Variants in DPP10 observed in about 807,000 individuals in gnomAD.
The protein encoded by DPP10 is dipeptidyl peptidase like 10, also known as inactive dipeptidyl peptidase 10.
DPP10 carries 33 observed loss-of-function variants against 120.9 expected under a neutral mutation model. That is an observed-to-expected ratio of 0.27 (90% CI 0.21 to 0.37). The LOEUF (loss-of-function observed/expected upper bound fraction) is 0.37. DPP10 is among the 10% of genes least tolerant of loss of function. The probability of loss-of-function intolerance (pLI) is 1.00; values close to 1 mark genes in which losing one functional copy is unlikely to be tolerated. For synonymous variants in DPP10, 337 were observed against 326.1 expected, an observed-to-expected ratio of 1.03 and a Z score of -0.36; for missense variants, 816 against 942.8, an observed-to-expected ratio of 0.87 and a Z score of 1.76.
intron 1 of DPP10, among the ~76,000 whole-genome samples, chr2:114,827,215 G>A (rs76394310): frequency 6.6e-6 from 1 of 152,134 alleles, no homozygotes; most frequent in Admixed American, 6.5e-5. Flanking sequence ...CAAATCAAAA[G>A]TAATCCGTAT....
At position 114,670,070 on chromosome 2, in the gene DPP10, T is replaced by C. The variant is rs550257066; in HGVS notation, c.60+227232T>C. Among the ~76,000 whole-genome samples, 14 of 152,266 alleles carry C rather than the reference T, an allele frequency of 9.2e-5. No homozygotes were observed. In the South Asian group the frequency reaches 2.9e-3, roughly 32 times the overall value. Reference sequence around the variant, plus strand: ...AATAGGAACACTTTTACACTGTTGGTGGGACTGTAAACTAGTTCAACCATT... The same window carrying C: ...AATAGGAACACTTTTACACTGTTGGCGGGACTGTAAACTAGTTCAACCATT... On this transcript the variant is annotated intron_variant, in intron 1 of 25. Coordinates refer to ENST00000410059, the MANE Select transcript of DPP10 (RefSeq NM_020868.6).
At chr2:114,604,443 G>A (rs1290295194) in intron 1 of DPP10, among the ~76,000 whole-genome samples, 1 of 152,066 alleles carries the variant, frequency 6.6e-6, no homozygotes, top group African/African-American at 2.4e-5. Flanking sequence ...GCATAGCAGA[G>A]CAGGAAACAG....
At chr2:114,483,453 C>CT (rs1009910340) in intron 1 of DPP10, among the ~76,000 whole-genome samples, 163 of 147,860 alleles carry the variant, frequency 1.1e-3, no homozygotes, top group African/African-American at 2.2e-3. Context: ...TAATCGTATT[C>CT]TTTTTTTTTT....
chr2:115,130,226 A>C (rs1295552539), intron 1 of DPP10, among the ~76,000 whole-genome samples: 1 of 152,126 alleles, frequency 6.6e-6, no homozygotes, highest in African/African-American at 2.4e-5. Context: ...TTTTTGTTCC[A>C]TCATTTTCCT....
chr2:115,112,329 C>G (rs200232698), intron 1 of DPP10, among the ~76,000 whole-genome samples: 3 of 151,854 alleles, frequency 2.0e-5, no homozygotes, highest in Non-Finnish European at 4.4e-5. Context: ...ATTCATTTTC[C>G]TTTCCGTTCT....
intron 3 of DPP10, among the ~76,000 whole-genome samples, chr2:115,356,875 A>G (rs569521021): frequency 3.1e-4 from 47 of 152,272 alleles, no homozygotes; most frequent in African/African-American, 9.9e-4. Context: ...TCCTTTGGGT[A>G]TATACCAAGT....
chr2:115,624,570 C>G (rs1179875042), intron 5 of DPP10, among the ~76,000 whole-genome samples: 1 of 152,186 alleles, frequency 6.6e-6, no homozygotes, highest in Non-Finnish European at 1.5e-5. Context: ...CTTTGCTATT[C>G]AGTTCCTGCA....
chr2:114,934,490 G>T (rs1036896151), intron 1 of DPP10, among the ~76,000 whole-genome samples: 2 of 152,134 alleles, frequency 1.3e-5, no homozygotes, highest in Non-Finnish European at 2.9e-5. Flanking sequence ...TCATCTTCAT[G>T]TTGAGTGGGC....
At chr2:115,672,822 C>G (rs938157050) in intron 5 of DPP10, among the ~76,000 whole-genome samples, 1 of 151,760 alleles carries the variant, frequency 6.6e-6, no homozygotes, top group Non-Finnish European at 1.5e-5. Flanking sequence ...TCTTGGTTCA[C>G]TGCAACCTCC....
At chr2:115,600,275 T>G (rs2149211249) in intron 5 of DPP10, among the ~76,000 whole-genome samples, 1 of 152,266 alleles carries the variant, frequency 6.6e-6, no homozygotes, top group African/African-American at 2.4e-5. Context: ...TAGTTATTTG[T>G]GTAAGGATTG....
chr2:115,703,994 C>T (rs960904767), intron 7 of DPP10, among the ~76,000 whole-genome samples: 14 of 151,962 alleles, frequency 9.2e-5, no homozygotes, highest in South Asian at 4.1e-4. Context: ...AGCCACCATC[C>T]GCAGAAATAT....
At chr2:115,706,860 A>G (rs539895923) in intron 7 of DPP10, among the ~76,000 whole-genome samples, 1 of 152,126 alleles carries the variant, frequency 6.6e-6, no homozygotes, top group East Asian at 1.9e-4. Context: ...CCCAAAGGGA[A>G]CTGTGGTCTG....
At chr2:115,453,725 A>C (rs2073305852) in intron 3 of DPP10, among the ~76,000 whole-genome samples, 1 of 151,592 alleles carries the variant, frequency 6.6e-6, no homozygotes, top group Non-Finnish European at 1.5e-5. Flanking sequence ...TAATCTTAAG[A>C]AACTTAACAA....
intron 1 of DPP10, among the ~76,000 whole-genome samples, chr2:114,767,234 T>A (rs1680809650): frequency 2.9e-5 from 4 of 136,482 alleles, no homozygotes; most frequent in Admixed American, 7.3e-5. Context: ...AAAAAAAGTT[T>A]TAAACTGAAA....
intron 5 of DPP10, among the ~76,000 whole-genome samples, chr2:115,627,432 T>TG (rs2085455190): frequency 6.6e-6 from 1 of 152,202 alleles, no homozygotes; most frequent in African/African-American, 2.4e-5. Context: ...CCAGGGACTG[T>TG]GGACAGCAAG....
intron 1 of DPP10, among the ~76,000 whole-genome samples, chr2:114,692,139 T>A (rs1699792984): frequency 6.6e-6 from 1 of 152,118 alleles, no homozygotes. Flanking sequence ...GGGGTTTGTT[T>A]GCTCTTGCTT....
chr2:115,405,335 C>G (rs1201149880), intron 3 of DPP10, among the ~76,000 whole-genome samples: 3 of 152,112 alleles, frequency 2.0e-5, no homozygotes, highest in African/African-American at 7.2e-5. Flanking sequence ...GTACCTTTTC[C>G]TGGGCACACT....
intron 1 of DPP10, among the ~76,000 whole-genome samples, chr2:114,718,674 A>AT (rs1023798148): frequency 6.6e-6 from 1 of 152,180 alleles, no homozygotes; most frequent in African/African-American, 2.4e-5. Context: ...CTTGGATGCT[A>AT]TTTAAAATGA....
At chr2:115,766,237 TG>T in intron 12 of DPP10, among the ~76,000 whole-genome samples, 1 of 149,898 alleles carries the variant, frequency 6.7e-6, no homozygotes, top group Admixed American at 6.7e-5. Context: ...TCATAATTGA[TG>T]AATAGATGAA....
Sources: gnomAD v4.1 joint callset for allele counts (sites outside exome capture counted in the v4.1 genomes callset) on GRCh38, gnomAD v4.1.1 for gene constraint, MANE v1.5 for transcripts, NCBI Gene and HGNC (gene_info 2026-07-23, HGNC 2026-07-21) for gene names.